SHROOM3: variants seen among roughly 807,000 people sequenced by gnomAD.
SHROOM3 encodes the protein protein Shroom3.
Under a neutral mutation model 138.6 loss-of-function variants are expected in SHROOM3, and 47 were observed. That is an observed-to-expected ratio of 0.34 (90% confidence interval 0.27 to 0.43). SHROOM3 has a LOEUF of 0.43. Ranked by LOEUF, SHROOM3 falls within the 20% of genes least tolerant of loss-of-function variation. SHROOM3 has a pLI of 1.00. For missense variants in SHROOM3, 2,491 were observed against 2,596.5 expected (o/e 0.96, Z 0.88); for synonymous variants, 1,062 against 1,063.3 (o/e 1.00, Z 0.02).
chr4:76,517,616 GTTT>G (rs1256294350), intron 1 of SHROOM3, among the ~76,000 whole-genome samples: 6 of 110,586 alleles, frequency 5.4e-5, no homozygotes, highest in African/African-American at 1.8e-4. Context: ...TTGTTTGTTT[GTTT>G]GGTATATATA....
At chr4:76,690,407 G>T (rs1315855885) in intron 2 of SHROOM3, among the ~76,000 whole-genome samples, 1 of 152,144 alleles carries the variant, frequency 6.6e-6, no homozygotes. Flanking sequence ...TTGTTGTGGC[G>T]CACTGTGTGC....
chr4:76,691,353 T>C (rs1425803380), intron 2 of SHROOM3, among the ~76,000 whole-genome samples: 2 of 152,148 alleles, frequency 1.3e-5, no homozygotes, highest in East Asian at 1.9e-4. Context: ...TGAGGAATTC[T>C]AAAATTTGTT....
chr4:76,678,688 C>A (rs1719106882), intron 2 of SHROOM3, among the ~76,000 whole-genome samples: 1 of 152,190 alleles, frequency 6.6e-6, no homozygotes, highest in Non-Finnish European at 1.5e-5. Flanking sequence ...GAGACGAAGT[C>A]TTGCTTTTGT....
chr4:76,714,773 A>C (rs1248845023), intron 3 of SHROOM3, among the ~76,000 whole-genome samples: 1 of 152,220 alleles, frequency 6.6e-6, no homozygotes, highest in Admixed American at 6.5e-5. Context: ...AATTTTTAAA[A>C]AAGCCTATTT....
In SHROOM3 at chr4:76,435,420, T is replaced by G. The variant is rs1303966517; in HGVS notation, c.-633T>G. ...CTCTCCTAAGAAACAAACTATGAAC[T>G]GATTGTTGAAAAAAAGAAGTAAAAA... On this transcript the variant is annotated 5_prime_UTR_variant, in exon 1 of 11. The change abolishes the stop of an existing upstream ORF in the 5' untranslated region. Coordinates refer to ENST00000296043, the MANE Select transcript of SHROOM3 (RefSeq NM_020859.4). 1.3e-5 allele frequency: 2 copies of G among 152,200 alleles called. No individual in the cohort carries two copies. Among genetic ancestry groups the G allele is most frequent in the African/African-American group, 2.4e-5 (1 of 41,450 alleles). 9.4% of individuals were successfully genotyped at this position (152,200 alleles called of 1,614,324 possible). A position where few individuals can be genotyped will look rare whatever the true frequency, so the allele number is the denominator to read the frequency against.
chr4:76,503,770 T>C (rs1319875391), intron 1 of SHROOM3, among the ~76,000 whole-genome samples: 3 of 152,244 alleles, frequency 2.0e-5, no homozygotes, highest in Non-Finnish European at 2.9e-5. Flanking sequence ...TCTAGTGATC[T>C]TGTAAACTCA....
chr4:76,436,133 T>C lies in SHROOM3; in HGVS notation c.81T>C (p.Tyr27=), dbSNP rs775022453. Residue 27 remains tyrosine, a synonymous_variant, in exon 1 of 11, where the codon TAT becomes TAC. Coordinates refer to ENST00000296043, the MANE Select transcript of SHROOM3 (RefSeq NM_020859.4). ...CGGCCACCAAGGGAAGGTACATTTA[T>C]CTGGAGGCATTCCTGGAGGGAGGAG... is the stretch of plus-strand genomic sequence containing the variant. ...SNTATKGRYI[Y]LEAFLEGGAP... 9 of 1,613,956 alleles carry C rather than the reference T, an allele frequency of 5.6e-6. No individual in the cohort carries two copies. The East Asian group carries it at 2.0e-4, about 36-fold the overall frequency.
chr4:76,721,424 T>C (rs1176290571), intron 3 of SHROOM3, among the ~76,000 whole-genome samples: 4 of 152,142 alleles, frequency 2.6e-5, no homozygotes, highest in Non-Finnish European at 5.9e-5. Flanking sequence ...CATGAAAAAG[T>C]GTCTACAAAA....
At chr4:76,743,380 G>T (rs955601796) in intron 5 of SHROOM3, among the ~76,000 whole-genome samples, 2 of 152,148 alleles carry the variant, frequency 1.3e-5, no homozygotes, top group Admixed American at 6.5e-5. Context: ...TTCTCATTAG[G>T]GAGGCCTTTC....
At chr4:76,653,226 T>C (rs1735998494) in intron 2 of SHROOM3, among the ~76,000 whole-genome samples, 1 of 152,150 alleles carries the variant, frequency 6.6e-6, no homozygotes. Flanking sequence ...ATTGAATTCT[T>C]CCATGTGCCA....
intron 2 of SHROOM3, among the ~76,000 whole-genome samples, chr4:76,665,795 C>A (rs981950496): frequency 4.6e-5 from 7 of 152,156 alleles, no homozygotes; most frequent in African/African-American, 1.4e-4. Context: ...TGGCTTGCAT[C>A]CTTTTTTTGT....
At chr4:76,667,437 G>T (rs560360780) in intron 2 of SHROOM3, among the ~76,000 whole-genome samples, 2 of 152,122 alleles carry the variant, frequency 1.3e-5, no homozygotes, top group East Asian at 3.9e-4. Flanking sequence ...TCCCACCTCA[G>T]CCCTGAGTAG....
At chr4:76,683,412 T>C (rs1719253459) in intron 2 of SHROOM3, among the ~76,000 whole-genome samples, 2 of 152,152 alleles carry the variant, frequency 1.3e-5, no homozygotes. Context: ...TTGCTTTTTC[T>C]CCTTATAGTG....
At chr4:76,778,629 T>C (rs1722650495) in intron 10 of SHROOM3, among the ~76,000 whole-genome samples, 180 bp from the exon 11 acceptor site, 3 of 152,238 alleles carry the variant, frequency 2.0e-5, no homozygotes, top group African/African-American at 4.8e-5. Context: ...ATTTAGAGAA[T>C]GCTGTAATAT....
At chr4:76,716,243 G>T (rs371548961) in intron 3 of SHROOM3, 9 of 504,634 alleles carry the variant, frequency 1.8e-5, no homozygotes, top group Admixed American at 5.9e-5. Flanking sequence ...AGTTCAAGGC[G>T]ATTCAGGCCG....
At chr4:76,444,882 A>T (rs2109966060) in intron 1 of SHROOM3, among the ~76,000 whole-genome samples, 1 of 151,174 alleles carries the variant, frequency 6.6e-6, no homozygotes, top group Non-Finnish European at 1.5e-5. Context: ...GGATCATTTG[A>T]GTCCAGGAGT....
At chr4:76,575,781 TGAA>T (rs1168876915) in intron 2 of SHROOM3, among the ~76,000 whole-genome samples, 7 of 152,124 alleles carry the variant, frequency 4.6e-5, no homozygotes, top group Admixed American at 2.0e-4. Context: ...TGAAAGGAGT[TGAA>T]GAAGATACAA....
intron 2 of SHROOM3, among the ~76,000 whole-genome samples, chr4:76,603,883 C>T (rs562838719): frequency 2.5e-3 from 354 of 141,794 alleles, no homozygotes; most frequent in South Asian, 3.4e-3. Flanking sequence ...TGCACTGTCT[C>T]CCAGGCTGGA....
At chr4:76,760,302 G>A (rs570885159) in intron 9 of SHROOM3, among the ~76,000 whole-genome samples, 8 of 152,262 alleles carry the variant, frequency 5.3e-5, no homozygotes, top group Admixed American at 2.6e-4. Flanking sequence ...AAAAATGACC[G>A]TGATGCTGCT....
Sources: allele counts gnomAD v4.1 joint callset (sites outside exome capture counted in the v4.1 genomes callset), GRCh38; gene constraint gnomAD v4.1.1; transcripts MANE v1.5; gene names NCBI Gene and HGNC (gene_info 2026-07-23, HGNC 2026-07-21).